Variants in CPA6 observed in about 807,000 individuals in gnomAD.
The protein encoded by CPA6 is carboxypeptidase B.
Under a neutral mutation model 63.3 loss-of-function variants are expected in CPA6, and 58 were observed. The observed-to-expected ratio is 0.92, with a 90% CI of 0.74 to 1.14. The LOEUF (loss-of-function observed/expected upper bound fraction) is 1.14, where lower values mean the gene tolerates loss of function less well. Ranked by LOEUF, CPA6 falls within the 50% of genes most tolerant of loss-of-function variation. The pLI is 0.00. For synonymous variants in CPA6, 185 were observed against 179.0 expected (o/e 1.03, Z -0.27); for missense variants, 565 against 526.6 (o/e 1.07, Z -0.71).
At chr8:67,589,899 T>A (rs1376597982) in intron 2 of CPA6, among the ~76,000 whole-genome samples, 2 of 151,788 alleles carry the variant, frequency 1.3e-5, no homozygotes, top group African/African-American at 2.4e-5. Flanking sequence ...TTATTATTAT[T>A]ATATTACACT....
intron 2 of CPA6, among the ~76,000 whole-genome samples, chr8:67,612,073 G>A (rs1379218305): frequency 6.6e-6 from 1 of 152,142 alleles, no homozygotes; most frequent in Non-Finnish European, 1.5e-5. Flanking sequence ...TCTGTTTCCT[G>A]ACTGGACCTT....
At chr8:67,627,606 C>T (rs1815222504) in intron 1 of CPA6, among the ~76,000 whole-genome samples, 1 of 152,098 alleles carries the variant, frequency 6.6e-6, no homozygotes, top group Admixed American at 6.6e-5. Flanking sequence ...TCTAACTTAG[C>T]CTATATAAAG....
At chr8:67,697,605 C>T (rs1816934457) in intron 1 of CPA6, among the ~76,000 whole-genome samples, 1 of 152,164 alleles carries the variant, frequency 6.6e-6, no homozygotes, top group Non-Finnish European at 1.5e-5. Context: ...AGGGAAAAGG[C>T]ACTCAGTCTC....
rs558176637 is a variant in CPA6 at position 67,629,305 on chromosome 8, A to AAAAT, written c.117-5058_117-5055dup. 4.1e-3 allele frequency among the ~76,000 whole-genome samples: 619 copies of AAAAT among 151,496 alleles called. 6 individuals carry two copies. Among genetic ancestry groups the AAAAT allele is most frequent in the South Asian group, 0.03 (145 of 4,758 alleles). The stretch of plus-strand genomic sequence containing the variant: ...AACATAGTGAGACCCTGTCTCCGCA[A>AAAAT]AAATAAATAAATAAATAAATAAATA... On this transcript the variant is annotated intron_variant, in intron 1 of 10. Coordinates refer to ENST00000297770, the MANE Select transcript of CPA6 (RefSeq NM_020361.5).
chr8:67,605,083 T>TTC (rs1814596456), intron 2 of CPA6, among the ~76,000 whole-genome samples: 1 of 151,260 alleles, frequency 6.6e-6, no homozygotes, highest in Admixed American at 6.6e-5. Flanking sequence ...CAGCCACGTT[T>TTC]TTTTTTTTTT....
chr8:67,456,091 A>G lies in CPA6; in HGVS notation c.839-21851T>C, dbSNP rs62513763. Among the ~76,000 whole-genome samples the G allele has an allele frequency of 5.0e-3, 758 of 152,304 alleles. 5 individuals carry two copies. Among genetic ancestry groups the G allele is most frequent in the Middle Eastern group, 0.02 (6 of 294 alleles). ...GAAACAAAAATTTTAATGTAATTAC[A>G]TATTTATTTTCCTCAGTATGCTTAG... On this transcript the variant is annotated intron_variant, in intron 8 of 10. Coordinates refer to ENST00000297770, the MANE Select transcript of CPA6 (RefSeq NM_020361.5).
At chr8:67,625,978 TAGTG>T (rs968421094) in intron 1 of CPA6, among the ~76,000 whole-genome samples, 21 of 152,172 alleles carry the variant, frequency 1.4e-4, no homozygotes, top group African/African-American at 4.8e-4. Flanking sequence ...GTTCTCGTGA[TAGTG>T]AGTGATTTCT....
At chr8:67,528,963 G>C (rs1267091823) in intron 2 of CPA6, among the ~76,000 whole-genome samples, 1 of 151,350 alleles carries the variant, frequency 6.6e-6, no homozygotes, top group Non-Finnish European at 1.5e-5. Context: ...TATTGCAAGA[G>C]TGGAGAAAGA....
intron 2 of CPA6, among the ~76,000 whole-genome samples, chr8:67,593,220 T>C (rs1814186355): frequency 6.6e-6 from 1 of 151,068 alleles, no homozygotes; most frequent in Non-Finnish European, 1.5e-5. Context: ...AATCCTGAGT[T>C]CTAGTTTGAT....
At chr8:67,692,014 C>T (rs1181009891) in intron 1 of CPA6, among the ~76,000 whole-genome samples, 1 of 152,044 alleles carries the variant, frequency 6.6e-6, no homozygotes, top group Non-Finnish European at 1.5e-5. Flanking sequence ...TGGCAGTTGC[C>T]CATGCAGAGA....
intron 1 of CPA6, among the ~76,000 whole-genome samples, chr8:67,701,157 TA>T (rs1218643497): frequency 6.6e-6 from 1 of 152,160 alleles, no homozygotes; most frequent in Non-Finnish European, 1.5e-5. Flanking sequence ...CTTATATATT[TA>T]TTATAGGCCT....
At chr8:67,483,642 T>C in intron 8 of CPA6, 126 bp downstream of exon 8, 2 of 810,828 alleles carry the variant, frequency 2.5e-6, no homozygotes, top group Non-Finnish European at 4.5e-6. Context: ...TATCTGTACC[T>C]TTCTCTACCA....
chr8:67,506,918 C>T lies in CPA6; in HGVS notation c.535-30G>A, dbSNP rs1587502783. On this transcript the variant is annotated intron_variant, in intron 5 of 10. Transcript: ENST00000297770. ...AAACAAGAGCATTCACAGTAACCAA[C>T]TCAGGCTTTTAGATTCACTGACCAG... The T allele has an allele frequency of 2.4e-5, 36 of 1,489,068 alleles. No homozygotes were observed. The East Asian group carries it at 7.9e-4, about 33-fold the overall frequency. The allele number at this position is 1,489,068 out of a possible 1,614,324, so 92.2% of individuals were successfully genotyped here.
At chr8:67,733,276 G>A (rs1050481556) in intron 1 of CPA6, among the ~76,000 whole-genome samples, 1 of 148,096 alleles carries the variant, frequency 6.8e-6, no homozygotes, top group African/African-American at 2.5e-5. Context: ...CCGACTGCTG[G>A]GCCCCACCCC....
chr8:67,496,429 CA>C (rs1373996187), intron 6 of CPA6, among the ~76,000 whole-genome samples: 1 of 149,370 alleles, frequency 6.7e-6, no homozygotes, highest in African/African-American at 2.5e-5. Context: ...GGATATAATT[CA>C]CACACCTTAC....
chr8:67,549,620 T>A (rs769097908), intron 2 of CPA6, among the ~76,000 whole-genome samples: 4 of 152,232 alleles, frequency 2.6e-5, no homozygotes, highest in Non-Finnish European at 5.9e-5. Context: ...CTGTACCTTT[T>A]GACTAATGAT....
chr8:67,723,594 T>C (rs1030700159), intron 1 of CPA6, among the ~76,000 whole-genome samples: 6 of 152,216 alleles, frequency 3.9e-5, no homozygotes, highest in East Asian at 3.8e-4. Flanking sequence ...GCATTTTCTA[T>C]CTATGGGAAA....
chr8:67,504,431 T>C (rs571978972), intron 6 of CPA6, among the ~76,000 whole-genome samples: 38 of 152,288 alleles, frequency 2.5e-4, no homozygotes, highest in Middle Eastern at 6.8e-3. Flanking sequence ...TGAGGTCACT[T>C]CCAAGCCTAA....
intron 3 of CPA6, among the ~76,000 whole-genome samples, chr8:67,514,508 T>C (rs1171934496): frequency 6.6e-6 from 1 of 152,214 alleles, no homozygotes; most frequent in Non-Finnish European, 1.5e-5. Flanking sequence ...GATCTCTACC[T>C]ACTGGGCCCG....
Sources: allele counts gnomAD v4.1 joint callset (sites outside exome capture counted in the v4.1 genomes callset), GRCh38; gene constraint gnomAD v4.1.1; transcripts MANE v1.5; gene names NCBI Gene and HGNC (gene_info 2026-07-23, HGNC 2026-07-21).